Variants in FRMD5 observed in about 807,000 individuals in gnomAD.
FRMD5 encodes the protein FERM domain containing 5, also known as FERM domain-containing protein 5.
A neutral mutation model predicts 69.0 loss-of-function variants in FRMD5; 20 were observed. That is an observed-to-expected ratio of 0.29 (90% CI 0.20 to 0.42). The LOEUF (loss-of-function observed/expected upper bound fraction) is 0.42. Among genes scored for constraint, FRMD5 ranks in the 10% least tolerant of loss-of-function variants. The probability of loss-of-function intolerance (pLI) is 1.00; values close to 1 mark genes in which losing one functional copy is unlikely to be tolerated. For synonymous variants in FRMD5, 271 were observed against 260.1 expected (o/e 1.04, Z -0.40); for missense variants, 595 against 708.6 (o/e 0.84, Z 1.82).
At chr15:43,880,900 G>T (rs931187924) in intron 13 of FRMD5, among the ~76,000 whole-genome samples, 2 of 152,234 alleles carry the variant, frequency 1.3e-5, no homozygotes, top group Non-Finnish European at 2.9e-5. Flanking sequence ...GCTGCAATGG[G>T]AGGAGGAGGC....
At chr15:43,919,353 T>C in intron 4 of FRMD5, 106 bp downstream of exon 4, 1 of 946,900 alleles carries the variant, frequency 1.1e-6, no homozygotes, top group Non-Finnish European at 1.8e-6. Flanking sequence ...GTTCCTTGCC[T>C]CTAAGAGTTA....
intron 1 of FRMD5, among the ~76,000 whole-genome samples, chr15:44,171,291 A>ATG (rs1185516405): frequency 6.6e-6 from 1 of 152,234 alleles, no homozygotes; most frequent in Non-Finnish European, 1.5e-5. Flanking sequence ...AATTGTTACC[A>ATG]TAACTATGTC....
At chr15:43,959,980 C>A (rs960488087) in intron 1 of FRMD5, among the ~76,000 whole-genome samples, 1 of 152,154 alleles carries the variant, frequency 6.6e-6, no homozygotes, top group Non-Finnish European at 1.5e-5. Context: ...TGCAATGGTG[C>A]GATCTCGGCT....
At chr15:43,935,154 G>T (rs1015490957) in intron 1 of FRMD5, among the ~76,000 whole-genome samples, 1 of 152,182 alleles carries the variant, frequency 6.6e-6, no homozygotes, top group African/African-American at 2.4e-5. Flanking sequence ...TATTTCAGTG[G>T]CTGAGCAGCA....
chr15:44,168,642 G>C (rs761141234), intron 1 of FRMD5, among the ~76,000 whole-genome samples: 15 of 152,184 alleles, frequency 9.9e-5, no homozygotes, highest in Non-Finnish European at 2.1e-4. Context: ...TGTCCAATCA[G>C]AGTTCAGGAA....
At chr15:44,169,652 G>C (rs1173023501) in intron 1 of FRMD5, among the ~76,000 whole-genome samples, 1 of 152,102 alleles carries the variant, frequency 6.6e-6, no homozygotes, top group Non-Finnish European at 1.5e-5. Context: ...GATTTCTGGG[G>C]ACCCTTGCTT....
At chr15:44,029,756 G>C (rs1891597089) in intron 1 of FRMD5, among the ~76,000 whole-genome samples, 1 of 152,190 alleles carries the variant, frequency 6.6e-6, no homozygotes, top group African/African-American at 2.4e-5. Flanking sequence ...CTTTAAAACA[G>C]AACAGATGCT....
At chr15:43,937,848 C>T (rs999494554) in intron 1 of FRMD5, among the ~76,000 whole-genome samples, 23 of 152,200 alleles carry the variant, frequency 1.5e-4, no homozygotes, top group African/African-American at 5.5e-4. Context: ...ATAAGCTTGT[C>T]TCAAGCGGTA....
chr15:44,122,909 A>T (rs1328793441), intron 1 of FRMD5, among the ~76,000 whole-genome samples: 1 of 152,208 alleles, frequency 6.6e-6, no homozygotes, highest in East Asian at 1.9e-4. Flanking sequence ...TTTAAAAAAA[A>T]AGATAAAACC....
In FRMD5 at chr15:43,919,931, A is replaced by T. The variant is rs1250122292; in HGVS notation, c.208-122T>A. 30 of 867,108 alleles carry T rather than the reference A, an allele frequency of 3.5e-5. No homozygotes were observed. In the East Asian group the frequency reaches 7.3e-4, roughly 21 times the overall value. The allele number at this position is 867,108 out of a possible 1,614,324, so 53.7% of individuals were successfully genotyped here. On this transcript the variant is annotated intron_variant, in intron 2 of 13. Coordinates refer to ENST00000417257, the MANE Select transcript of FRMD5 (RefSeq NM_032892.5). ...TAGGGTGAAAGCAGCCCAAAAGCTTATGAAAGATAAGTTTGGTGAGTAAAG... is the reference window on the plus strand; with the variant it reads ...TAGGGTGAAAGCAGCCCAAAAGCTTTTGAAAGATAAGTTTGGTGAGTAAAG...
chr15:44,074,651 T>C (rs1283332502), intron 1 of FRMD5, among the ~76,000 whole-genome samples: 2 of 152,120 alleles, frequency 1.3e-5, no homozygotes, highest in Admixed American at 6.6e-5. Context: ...ATTTACTGTA[T>C]ACTTTTTCCT....
chr15:44,046,691 G>A (rs1447366910), intron 1 of FRMD5, among the ~76,000 whole-genome samples: 1 of 152,132 alleles, frequency 6.6e-6, no homozygotes, highest in African/African-American at 2.4e-5. Flanking sequence ...AATAGCAATG[G>A]TCACTATAAT....
chr15:44,185,361 T>C lies in FRMD5; in HGVS notation c.102+9592A>G, dbSNP rs1595568711. 2.6e-5 allele frequency among the ~76,000 whole-genome samples: 4 copies of C among 152,240 alleles called. No individual in the cohort carries two copies. The South Asian group carries it at 8.3e-4, about 31-fold the overall frequency. On this transcript the variant is annotated intron_variant, in intron 1 of 13. Coordinates refer to ENST00000417257, the MANE Select transcript of FRMD5 (RefSeq NM_032892.5). ...CTCCCGAAGAGCTGAGGGGCTATTC[T>C]GTTAGACAGATAAGTGTATACTGAG...
intron 1 of FRMD5, among the ~76,000 whole-genome samples, chr15:44,088,263 C>G (rs1338218091): frequency 1.3e-5 from 2 of 152,060 alleles, no homozygotes; most frequent in African/African-American, 4.8e-5. Context: ...TTTCACCATT[C>G]CCGAAAGAAA....
At chr15:44,035,399 T>TA (rs1891861972) in intron 1 of FRMD5, among the ~76,000 whole-genome samples, 1 of 152,214 alleles carries the variant, frequency 6.6e-6, no homozygotes, top group South Asian at 2.1e-4. Flanking sequence ...TCCTAAGTGT[T>TA]ACTCTGGTGG....
chr15:43,891,883 A>C, intron 8 of FRMD5, 98 bp downstream of exon 8: 1 of 978,504 alleles, frequency 1.0e-6, no homozygotes, highest in Non-Finnish European at 1.6e-6. Context: ...AGGGCTCTGA[A>C]CCAGAACTGC....
At chr15:44,161,982 CTTTTCCTTG>C (rs1458043009) in intron 1 of FRMD5, among the ~76,000 whole-genome samples, 5 of 152,084 alleles carry the variant, frequency 3.3e-5, no homozygotes, top group Non-Finnish European at 7.4e-5. Context: ...TTTTCCTTGT[CTTTTCCTTG>C]TCTCTCCTAG....
At chr15:44,031,681 A>G (rs1214935589) in intron 1 of FRMD5, among the ~76,000 whole-genome samples, 1 of 152,114 alleles carries the variant, frequency 6.6e-6, no homozygotes, top group Non-Finnish European at 1.5e-5. Context: ...GGGTACAAAC[A>G]TGTTCAGTCC....
chr15:44,003,447 C>A (rs143477772), intron 1 of FRMD5, among the ~76,000 whole-genome samples: 4 of 152,290 alleles, frequency 2.6e-5, no homozygotes, highest in South Asian at 2.1e-4. Flanking sequence ...TAAAACCCTG[C>A]GATGGTTCCC....
Sources: gnomAD v4.1 joint callset for allele counts (sites outside exome capture counted in the v4.1 genomes callset) on GRCh38, gnomAD v4.1.1 for gene constraint, MANE v1.5 for transcripts, NCBI Gene and HGNC (gene_info 2026-07-23, HGNC 2026-07-21) for gene names.